The following RNLS variants were observed in gnomAD, a reference collection of about 807,000 sequenced individuals.
The protein encoded by RNLS is renalase, FAD dependent amine oxidase, also known as renalase.
RNLS carries 39 observed loss-of-function variants against 39.8 expected under a neutral mutation model. That is an observed-to-expected ratio of 0.98 (90% CI 0.76 to 1.28). The LOEUF (loss-of-function observed/expected upper bound fraction) is 1.28. Among genes scored for constraint, RNLS ranks in the 50% most tolerant of loss-of-function variants. The pLI, the probability that RNLS is intolerant of heterozygous loss-of-function variation, is 0.00. For synonymous variants in RNLS, 147 were observed against 150.7 expected (o/e 0.98, Z 0.18); for missense variants, 410 against 413.3 (o/e 0.99, Z 0.07).
rs185563761 is a variant in RNLS, at chr10:88,510,710, G to A, written c.526+62193C>T. 2.8e-3 allele frequency among the ~76,000 whole-genome samples: 433 copies of A among 151,956 alleles called. 2 individuals are homozygous for A. The highest frequency in any genetic ancestry group is 9.9e-3 in the African/African-American group (411 of 41,466). ...ATATAAAAAATTAGCCGGGCATGGT[G>A]GTGCGCGCCTGTAATACACCCAGCT... On this transcript the variant is annotated intron_variant, in intron 4 of 6. Coordinates refer to ENST00000331772, the MANE Select transcript of RNLS (RefSeq NM_001031709.3).
chr10:88,250,686 G>C, the RNLS span, among the ~76,000 whole-genome samples: 4 of 152,144 alleles, frequency 2.6e-5, no homozygotes, highest in Non-Finnish European at 4.4e-5. Flanking sequence ...AAAACTTTGT[G>C]TGGACCAACA....
At chr10:88,273,365 T>G (rs2132580005), downstream of RNLS, among the ~76,000 whole-genome samples, 1 of 152,372 alleles carries the variant, frequency 6.6e-6, no homozygotes, top group Non-Finnish European at 1.5e-5. Context: ...TCTTAATATA[T>G]GTACACACAT....
At chr10:88,578,241 A>AT (rs1850324695) in intron 3 of RNLS, among the ~76,000 whole-genome samples, 1 of 152,064 alleles carries the variant, frequency 6.6e-6, no homozygotes, top group Admixed American at 6.6e-5. Flanking sequence ...AAGTACCCTC[A>AT]TTTTTGCATT....
intron 4 of RNLS, among the ~76,000 whole-genome samples, chr10:88,561,282 G>A (rs1046465876): frequency 5.9e-5 from 9 of 152,032 alleles, no homozygotes; most frequent in African/African-American, 2.2e-4. Flanking sequence ...AGGTCAAATA[G>A]TTCAGACTCC....
intron 4 of RNLS, among the ~76,000 whole-genome samples, chr10:88,538,257 T>C (rs1031151528): frequency 6.6e-6 from 1 of 152,172 alleles, no homozygotes; most frequent in African/African-American, 2.4e-5. Flanking sequence ...GAAGATTGAC[T>C]CTTAGCCCAG....
downstream of RNLS, among the ~76,000 whole-genome samples, chr10:88,269,879 G>A (rs1468744124): frequency 6.6e-6 from 1 of 151,992 alleles, no homozygotes; most frequent in African/African-American, 2.4e-5. Flanking sequence ...ACAGAGTCTC[G>A]CTCTGTTGCC....
intron 4 of RNLS, among the ~76,000 whole-genome samples, chr10:88,425,836 A>C (rs987272528): frequency 1.3e-5 from 2 of 152,060 alleles, no homozygotes; most frequent in Admixed American, 1.3e-4. Flanking sequence ...AAGTAGAAAA[A>C]GACATTCCAA....
At chr10:88,568,053 A>G (rs1273331865) in intron 4 of RNLS, among the ~76,000 whole-genome samples, 2 of 152,224 alleles carry the variant, frequency 1.3e-5, no homozygotes, top group Non-Finnish European at 2.9e-5. Context: ...GGTACCCTCT[A>G]CAATTCAATG....
At chr10:88,433,794 G>C (rs1341748658) in intron 4 of RNLS, among the ~76,000 whole-genome samples, 1 of 152,072 alleles carries the variant, frequency 6.6e-6, no homozygotes, top group East Asian at 1.9e-4. Context: ...AATGCTTTCT[G>C]CCTTTATACT....
chr10:88,204,925 A>G, the RNLS span, among the ~76,000 whole-genome samples: 1 of 152,162 alleles, frequency 6.6e-6, no homozygotes, highest in African/African-American at 2.4e-5. Flanking sequence ...GTGTTGGGGG[A>G]AGTCGGAAGA....
downstream of RNLS, among the ~76,000 whole-genome samples, chr10:88,270,432 G>A (rs1842617737): frequency 6.6e-6 from 1 of 152,088 alleles, no homozygotes; most frequent in South Asian, 2.1e-4. Flanking sequence ...TTAGATACTG[G>A]GTCCCTTCAG....
At chr10:88,485,145 GA>G (rs1844416172) in intron 4 of RNLS, among the ~76,000 whole-genome samples, 1 of 151,850 alleles carries the variant, frequency 6.6e-6, no homozygotes, top group African/African-American at 2.4e-5. Context: ...GGATAGAAAA[GA>G]ACCTAGAATT....
chr10:88,226,737 A>ATT, the RNLS span, among the ~76,000 whole-genome samples: 1 of 75,750 alleles, frequency 1.3e-5, no homozygotes, highest in African/African-American at 5.3e-5. Flanking sequence ...TTCTCCCTTC[A>ATT]CTTTTTTTTT....
At chr10:88,329,545 T>C (rs188203329) in intron 5 of RNLS, among the ~76,000 whole-genome samples, 3 of 152,278 alleles carry the variant, frequency 2.0e-5, no homozygotes, top group Admixed American at 6.5e-5. Context: ...AATTTTGTAA[T>C]TAATTTTGGA....
the RNLS span, among the ~76,000 whole-genome samples, chr10:88,179,800 A>T: frequency 5.9e-5 from 9 of 152,220 alleles, no homozygotes; most frequent in Non-Finnish European, 1.3e-4. Context: ...CTTAGGTAGA[A>T]ATCAAAGTAT....
chr10:88,223,295 T>C, the RNLS span, among the ~76,000 whole-genome samples: 229 of 152,356 alleles, frequency 1.5e-3, 1 homozygote, highest in African/African-American at 5.2e-3. Flanking sequence ...AAGGGACTTT[T>C]ATTTTCCCCA....
intron 4 of RNLS, among the ~76,000 whole-genome samples, chr10:88,373,528 ATAAC>A (rs575315276): frequency 2.3e-4 from 35 of 152,316 alleles, no homozygotes; most frequent in African/African-American, 7.7e-4. Context: ...TTATGCTTTC[ATAAC>A]TAACAAAAAT....
At chr10:88,206,724 C>A in the RNLS span, among the ~76,000 whole-genome samples, 1 of 152,078 alleles carries the variant, frequency 6.6e-6, no homozygotes, top group Non-Finnish European at 1.5e-5. Context: ...CCGAGAACTC[C>A]AAGGAAGCCC....
rs564214949 is a variant in RNLS, at chr10:88,488,036, G to C, written c.526+84867C>G. Among the ~76,000 whole-genome samples the C allele has an allele frequency of 2.0e-5, 3 of 152,274 alleles. No homozygotes were observed. In the East Asian group the frequency reaches 5.8e-4, roughly 29 times the overall value. ...GAAAATGCAAACCTATCTATATAGA[G>C]AGAAGGCAGATCCGTGGTTACCTGA... On this transcript the variant is annotated intron_variant, in intron 4 of 6. Transcript: ENST00000331772.
Sources: allele counts gnomAD v4.1 joint callset (sites outside exome capture counted in the v4.1 genomes callset), GRCh38; gene constraint gnomAD v4.1.1; transcripts MANE v1.5; gene names NCBI Gene and HGNC (gene_info 2026-07-23, HGNC 2026-07-21).